The following CAMTA1 variants were observed in gnomAD, a reference collection of about 807,000 sequenced individuals.
CAMTA1 encodes calmodulin binding transcription activator 1.
Under a neutral mutation model 170.9 loss-of-function variants are expected in CAMTA1, and 27 were observed. The observed-to-expected ratio is 0.16, with a 90% confidence interval of 0.12 to 0.22. The LOEUF is 0.22. Among genes scored for constraint, CAMTA1 ranks in the 10% least tolerant of loss-of-function variants. The probability of loss-of-function intolerance (pLI) is 1.00; values close to 1 mark genes in which losing one functional copy is unlikely to be tolerated. For missense variants in CAMTA1, 1,619 were observed against 2,217.2 expected (o/e 0.73, Z 5.42); for synonymous variants, 833 against 891.5 (o/e 0.93, Z 1.17).
At chr1:7,587,624 A>G (rs928602405) in intron 6 of CAMTA1, among the ~76,000 whole-genome samples, 2 of 152,068 alleles carry the variant, frequency 1.3e-5, no homozygotes, top group African/African-American at 2.4e-5. Context: ...TTGTGTTTAC[A>G]TGGTTGAGGG....
chr1:7,058,497 G>T lies in CAMTA1; in HGVS notation c.235-32807G>T, dbSNP rs144896602. Among the ~76,000 whole-genome samples, 126 of 152,304 alleles carry T rather than the reference G, an allele frequency of 8.3e-4. 1 individual carries two copies. The highest frequency in any genetic ancestry group is 2.9e-3 in the African/African-American group (121 of 41,566). ...GCGACTGCTTGAAAGGCCGGGGCAG[G>T]TGCTGATGTAGTTTCTTGGTGCAGA... is the stretch of plus-strand genomic sequence containing the variant. On this transcript the variant is annotated intron_variant, in intron 3 of 22. Coordinates refer to ENST00000303635, the MANE Select transcript of CAMTA1 (RefSeq NM_015215.4).
chr1:6,979,287 C>T (rs1245479177), intron 3 of CAMTA1, among the ~76,000 whole-genome samples: 2 of 152,210 alleles, frequency 1.3e-5, no homozygotes, highest in African/African-American at 4.8e-5. Context: ...TTCCTAGGTG[C>T]TGCTCCCTCT....
intron 3 of CAMTA1, chr1:6,886,345 AT>A (rs1229384618): frequency 9.1e-6 from 4 of 441,616 alleles, no homozygotes; most frequent in Non-Finnish European, 1.8e-5. Context: ...GTTAAAAAAA[AT>A]GTAATTGACA....
At chr1:7,421,141 T>C (rs546623449) in intron 5 of CAMTA1, among the ~76,000 whole-genome samples, 2 of 152,116 alleles carry the variant, frequency 1.3e-5, no homozygotes, top group South Asian at 4.2e-4. Context: ...GTTGAATTTC[T>C]TTTTTCTTTC....
At chr1:6,990,785 GTCTCTCTC>G (rs373182830) in intron 3 of CAMTA1, among the ~76,000 whole-genome samples, 3 of 141,542 alleles carry the variant, frequency 2.1e-5, no homozygotes, top group South Asian at 2.2e-4. Context: ...CTCTCTCTCT[GTCTCTCTC>G]TCTCTCTCTC....
Position 7,278,664 on chromosome 1 carries a change from G to C in CAMTA1, c.438+29038G>C, listed in dbSNP as rs1671081005. On this transcript the variant is annotated intron_variant, in intron 5 of 22. Coordinates refer to ENST00000303635, the MANE Select transcript of CAMTA1 (RefSeq NM_015215.4). ...AATCCTGAGTTTTTGACTTGAACTT[G>C]TCAGTCTTCGTTTTCTAATCATCCT... 2.0e-5 allele frequency among the ~76,000 whole-genome samples: 3 copies of C among 152,100 alleles called. 1 individual carries two copies. The South Asian group carries it at 6.2e-4, about 32-fold the overall frequency.
intron 6 of CAMTA1, among the ~76,000 whole-genome samples, chr1:7,530,910 G>A (rs1479913071): frequency 6.6e-6 from 1 of 150,618 alleles, no homozygotes; most frequent in East Asian, 2.0e-4. Flanking sequence ...TGCCTCCCGG[G>A]TTCAAGCAAT....
intron 6 of CAMTA1, among the ~76,000 whole-genome samples, chr1:7,616,263 C>T (rs1359157652): frequency 2.6e-5 from 4 of 152,230 alleles, no homozygotes; most frequent in Non-Finnish European, 4.4e-5. Context: ...TCAAGCAGGG[C>T]GTTCTGTTTA....
At position 7,067,942 on chromosome 1, in the gene CAMTA1, G is replaced by C. The variant is rs76147815; in HGVS notation, c.235-23362G>C. ...TCTTAAAAAAGGGTGTATGATTTCT[G>C]TCTTCTGGACTTTGGAAAATGTGAT... On this transcript the variant is annotated intron_variant, in intron 3 of 22. Coordinates refer to ENST00000303635, the MANE Select transcript of CAMTA1 (RefSeq NM_015215.4). The surrounding 1 kb of genome is among the most constrained non-coding windows in gnomAD (Gnocchi z 4.3). Among the ~76,000 whole-genome samples, 1 of 152,186 alleles carries C rather than the reference G, an allele frequency of 6.6e-6. No individual in the cohort carries two copies. Among genetic ancestry groups the C allele is most frequent in the Non-Finnish European group, 1.5e-5 (1 of 68,038 alleles).
chr1:7,041,095 G>A lies in CAMTA1; in HGVS notation c.235-50209G>A, dbSNP rs935263141. Among the ~76,000 whole-genome samples the A allele has an allele frequency of 6.6e-6, 1 of 152,218 alleles. No individual in the cohort carries two copies. The highest frequency in any genetic ancestry group is 1.5e-5 in the Non-Finnish European group (1 of 68,034). On this transcript the variant is annotated intron_variant, in intron 3 of 22. Coordinates refer to ENST00000303635, the MANE Select transcript of CAMTA1 (RefSeq NM_015215.4). The surrounding 1 kb of genome is among the most constrained non-coding windows in gnomAD (Gnocchi z 5.1). The stretch of plus-strand genomic sequence containing the variant: ...GCCCTTATGCTGCCCTGGCATTTTG[G>A]AGGAGCAGGGAAATGAGATAAAGCT...
intron 3 of CAMTA1, among the ~76,000 whole-genome samples, chr1:6,890,689 G>A (rs914917208): frequency 6.6e-6 from 1 of 151,958 alleles, no homozygotes; most frequent in African/African-American, 2.4e-5. Flanking sequence ...TCCTGCCTTA[G>A]CTTCCTGAGT....
At chr1:7,405,229 TGGG>T (rs1039227725) in intron 5 of CAMTA1, among the ~76,000 whole-genome samples, 7 of 152,140 alleles carry the variant, frequency 4.6e-5, no homozygotes, top group African/African-American at 1.7e-4. Flanking sequence ...GGACCAGGCT[TGGG>T]GGCCACAAGA....
chr1:7,259,692 A>C (rs1384774512), intron 5 of CAMTA1, among the ~76,000 whole-genome samples: 4 of 152,236 alleles, frequency 2.6e-5, no homozygotes, highest in African/African-American at 9.6e-5. Flanking sequence ...CACCTTTAGA[A>C]AATATCGAAT....
intron 6 of CAMTA1, among the ~76,000 whole-genome samples, chr1:7,608,511 C>T (rs2095502019): frequency 6.6e-6 from 1 of 152,194 alleles, no homozygotes; most frequent in Non-Finnish European, 1.5e-5. Context: ...GGGCCCAGGA[C>T]TGCATAACAC....
At chr1:7,051,517 G>C (rs1246375209) in intron 3 of CAMTA1, among the ~76,000 whole-genome samples, 1 of 152,226 alleles carries the variant, frequency 6.6e-6, no homozygotes, top group Non-Finnish European at 1.5e-5. Context: ...ACCCAGCGCT[G>C]TGAGTGGGGT....
chr1:6,831,114 G>A (rs1449184245), intron 3 of CAMTA1, among the ~76,000 whole-genome samples: 2 of 152,114 alleles, frequency 1.3e-5, no homozygotes, highest in East Asian at 3.8e-4. Context: ...CATCGCGCCC[G>A]GCCCGATAGT....
At chr1:6,915,260 AT>A (rs1056705024) in intron 3 of CAMTA1, among the ~76,000 whole-genome samples, 1 of 152,164 alleles carries the variant, frequency 6.6e-6, no homozygotes, top group Non-Finnish European at 1.5e-5. Context: ...CAGAGATTAG[AT>A]TTTTTTACTC....
intron 6 of CAMTA1, among the ~76,000 whole-genome samples, chr1:7,600,023 C>T (rs896308023): frequency 2.6e-5 from 4 of 152,252 alleles, no homozygotes; most frequent in African/African-American, 7.2e-5. Context: ...TGTGCCAGTT[C>T]TCAAAGGGAA....
At position 7,104,161 on chromosome 1, in the gene CAMTA1, T is replaced by C. The variant is rs1331032028; in HGVS notation, c.302+12790T>C. ...CACGTACACACAACACACATATGCATACAACTACACACATATACACACAAC... is the reference window on the plus strand; with the variant it reads ...CACGTACACACAACACACATATGCACACAACTACACACATATACACACAAC... On this transcript the variant is annotated intron_variant, in intron 4 of 22. Transcript: ENST00000303635. 3.6e-5 allele frequency among the ~76,000 whole-genome samples: 5 copies of C among 139,484 alleles called. No individual in the cohort carries two copies. In the South Asian group the frequency reaches 6.9e-4, roughly 19 times the overall value. The allele number at this position is 139,484 out of a possible 152,430, so 91.5% of individuals were successfully genotyped here.
Sources: allele counts gnomAD v4.1 joint callset (sites outside exome capture counted in the v4.1 genomes callset), GRCh38; gene constraint gnomAD v4.1.1; non-coding constraint Gnocchi (gnomAD v3.1); transcripts MANE v1.5; gene names NCBI Gene and HGNC (gene_info 2026-07-23, HGNC 2026-07-21).